SPIRE1: variants seen among roughly 807,000 people sequenced by gnomAD.
SPIRE1 encodes protein spire homolog 1.
SPIRE1 carries 40 observed loss-of-function variants against 94.1 expected under a neutral mutation model. The observed-to-expected ratio is 0.43, with a 90% CI of 0.33 to 0.55. The LOEUF (loss-of-function observed/expected upper bound fraction) is 0.55, where lower values mean the gene tolerates loss of function less well. SPIRE1 is among the 20% of genes least tolerant of loss of function. SPIRE1 has a pLI of 0.06. For missense variants in SPIRE1, 838 were observed against 975.2 expected (o/e 0.86, Z 1.87); for synonymous variants, 376 against 371.7 (o/e 1.01, Z -0.13).
At chr18:12,545,680 C>T (rs2035141275) in intron 3 of SPIRE1, among the ~76,000 whole-genome samples, 2 of 152,112 alleles carry the variant, frequency 1.3e-5, no homozygotes, top group Admixed American at 6.5e-5. Flanking sequence ...GTATAACCAA[C>T]CAAACTTGCT....
intron 10 of SPIRE1, among the ~76,000 whole-genome samples, chr18:12,473,246 T>C (rs1448873704): frequency 1.3e-5 from 2 of 152,030 alleles, no homozygotes; most frequent in Non-Finnish European, 1.5e-5. Flanking sequence ...TTAAGGCACT[T>C]AGCAGTATGT....
chr18:12,658,143 CCA>C (rs2038614899), upstream of SPIRE1: 142 of 949,192 alleles, frequency 1.5e-4, no homozygotes, highest in Admixed American at 2.4e-4. Context: ...CTCGCGCCGT[CCA>C]GCGCCGCCCA....
At chr18:12,615,542 C>CAAAAAAAAAAAAAAAAAAAAAA (rs71174108) in intron 2 of SPIRE1, among the ~76,000 whole-genome samples, 17 of 75,774 alleles carry the variant, frequency 2.2e-4, no homozygotes, top group African/African-American at 5.9e-4. Context: ...TCTATCTCCA[C>CAAAAAAAAAAAAAAAAAAAAAA]AAAAAAAAAA....
chr18:12,452,310 T>C lies in SPIRE1; in HGVS notation c.1957A>G (p.Met653Val), dbSNP rs1257932116. ...PSALQRGESS[M>V]RSEKPSTAHH... ...GCAGTGGAGGGTTTTTCTGACCTCA[T>C]ACTACTTTCCCCTCTTTGCAGAGCA... The change falls in exon 16 of 17, where the codon ATG becomes GTG. Residue 653 changes from methionine to valine, a missense_variant. Physicochemically the swap from Met to Val is conservative, Grantham distance 21. Around this residue, in one of 2 missense-constraint regions of SPIRE1, gnomAD observed 645 missense variants for 804.7 expected, o/e 0.80. Transcript: ENST00000409402. The C allele has an allele frequency of 1.8e-5, 29 of 1,613,958 alleles. No homozygotes were observed. Among genetic ancestry groups the C allele is most frequent in the Middle Eastern group, 1.6e-4 (1 of 6,084 alleles).
chr18:12,464,158 C>T (rs771794242), intron 11 of SPIRE1, among the ~76,000 whole-genome samples: 2 of 152,096 alleles, frequency 1.3e-5, no homozygotes, highest in Non-Finnish European at 1.5e-5. Flanking sequence ...GACTGTCCCA[C>T]CATGAGAAAC....
intron 12 of SPIRE1, among the ~76,000 whole-genome samples, chr18:12,461,456 A>G (rs527538360): frequency 5.2e-5 from 6 of 114,760 alleles, no homozygotes; most frequent in Admixed American, 9.0e-5. Context: ...ACATGTGTGT[A>G]TGTATGTACA....
At chr18:12,574,579 G>A (rs1439973279) in intron 2 of SPIRE1, among the ~76,000 whole-genome samples, 1 of 152,206 alleles carries the variant, frequency 6.6e-6, no homozygotes, top group Non-Finnish European at 1.5e-5. Context: ...AAATACCTGT[G>A]GGAAATATAA....
chr18:12,472,095 T>C lies in SPIRE1; in HGVS notation c.1405-7137A>G, dbSNP rs140735953. 3.4e-4 allele frequency among the ~76,000 whole-genome samples: 52 copies of C among 152,226 alleles called. 1 individual carries two copies. The East Asian group carries it at 9.5e-3, about 28-fold the overall frequency. On this transcript the variant is annotated intron_variant, in intron 10 of 16. Coordinates refer to ENST00000409402, the MANE Select transcript of SPIRE1 (RefSeq NM_001128626.2). ...CCATTGCGCATGGCCAGTTTTCTTA[T>C]ATTTTATACAAGGATCATAGCTGCT... is the stretch of plus-strand genomic sequence containing the variant.
At chr18:12,558,097 G>A (rs963433254) in intron 2 of SPIRE1, among the ~76,000 whole-genome samples, 2 of 152,130 alleles carry the variant, frequency 1.3e-5, no homozygotes, top group East Asian at 1.9e-4. Context: ...GTGGGTTATT[G>A]GTCTCACTGA....
At chr18:12,547,180 T>C (rs527780157) in intron 2 of SPIRE1, among the ~76,000 whole-genome samples, 95 of 152,350 alleles carry the variant, frequency 6.2e-4, no homozygotes, top group African/African-American at 2.1e-3. Flanking sequence ...AGAACTCTTA[T>C]GCCAATGTTT....
intron 2 of SPIRE1, among the ~76,000 whole-genome samples, chr18:12,607,725 C>T (rs2037024919): frequency 6.6e-6 from 1 of 151,804 alleles, no homozygotes; most frequent in Non-Finnish European, 1.5e-5. Context: ...AAGTTAAAGA[C>T]TTACCTGGGA....
chr18:12,483,934 T>C (rs1406166142), intron 9 of SPIRE1, among the ~76,000 whole-genome samples: 1 of 152,134 alleles, frequency 6.6e-6, no homozygotes, highest in Non-Finnish European at 1.5e-5. Flanking sequence ...AATCACGAAG[T>C]ACATGAAGAC....
chr18:12,546,628 TAAC>T (rs1442286801), intron 3 of SPIRE1, 43 bp downstream of exon 3: 3 of 1,412,732 alleles, frequency 2.1e-6, no homozygotes, highest in Non-Finnish European at 3.0e-6. Context: ...GAAGAAGAAA[TAAC>T]AACTCTTGAA....
chr18:12,450,042 T>A, intron 16 of SPIRE1, 146 bp from the exon 17 acceptor site: 1 of 901,856 alleles, frequency 1.1e-6, no homozygotes, highest in Non-Finnish European at 1.6e-6. Flanking sequence ...TCTAAAAAAA[T>A]TTCTTATTGG....
intron 2 of SPIRE1, among the ~76,000 whole-genome samples, chr18:12,561,171 T>C (rs2035671722): frequency 1.3e-5 from 2 of 152,064 alleles, no homozygotes; most frequent in South Asian, 2.1e-4. Flanking sequence ...GCAAGAAAAA[T>C]AGTTTGGCTA....
At chr18:12,544,888 ATGTT>A (rs1053000062) in intron 3 of SPIRE1, among the ~76,000 whole-genome samples, 2 of 152,198 alleles carry the variant, frequency 1.3e-5, no homozygotes, top group Non-Finnish European at 2.9e-5. Flanking sequence ...TGGCTATGAC[ATGTT>A]ACATTACTGG....
intron 10 of SPIRE1, among the ~76,000 whole-genome samples, chr18:12,468,357 T>C (rs892944060): frequency 6.6e-6 from 1 of 152,160 alleles, no homozygotes; most frequent in African/African-American, 2.4e-5. Flanking sequence ...GTACATGCGA[T>C]GTGGTCCTCT....
At chr18:12,640,909 C>T (rs2038066798) in intron 1 of SPIRE1, among the ~76,000 whole-genome samples, 1 of 152,150 alleles carries the variant, frequency 6.6e-6, no homozygotes, top group Non-Finnish European at 1.5e-5. Flanking sequence ...AGAGGGTCAG[C>T]TGCGTCCAGG....
rs2038585991 is a variant in SPIRE1, at chr18:12,657,555, G to C, written c.312C>G (p.Asp104Glu). 1 of 1,236,284 alleles carries C rather than the reference G, an allele frequency of 8.1e-7. No individual in the cohort carries two copies. The highest frequency in any genetic ancestry group is 1.6e-5 in the African/African-American group (1 of 64,128). The allele number at this position is 1,236,284 out of a possible 1,614,324, so 76.6% of individuals were successfully genotyped here. Residue 104 changes from aspartate (D) to glutamate (E), a missense_variant, in exon 1 of 17, where the codon GAC becomes GAG. By Grantham distance (45) the Asp-to-Glu change is conservative. Around this residue, in one of 2 missense-constraint regions of SPIRE1, gnomAD observed 193 missense variants for 170.5 expected, o/e 1.13. Coordinates refer to ENST00000409402, the MANE Select transcript of SPIRE1 (RefSeq NM_001128626.2). ...GAVTLAPAAD[D>E]AGEPPPVAGK... ...CCGCAACTGGGGGCGGCTCTCCCGC[G>C]TCGTCGGCCGCGGGCGCCAGGGTGA...
Sources: allele counts gnomAD v4.1 joint callset (sites outside exome capture counted in the v4.1 genomes callset), GRCh38; gene constraint gnomAD v4.1.1; regional missense constraint gnomAD v4.1.1; transcripts MANE v1.5; gene names NCBI Gene and HGNC (gene_info 2026-07-23, HGNC 2026-07-21).